Variants in KCNMA1 observed in about 807,000 individuals in gnomAD.
KCNMA1 encodes the protein potassium calcium-activated channel subfamily M alpha 1.
Under a neutral mutation model 140.0 loss-of-function variants are expected in KCNMA1, and 29 were observed. That is an observed-to-expected ratio of 0.21 (90% CI 0.15 to 0.28). KCNMA1 has a LOEUF of 0.28. Ranked by LOEUF, KCNMA1 falls within the 10% of genes least tolerant of loss-of-function variation. The pLI, the probability that KCNMA1 is intolerant of heterozygous loss-of-function variation, is 1.00. For missense variants in KCNMA1, 880 were observed against 1,602.2 expected (o/e 0.55, Z 7.70); for synonymous variants, 612 against 611.9 (o/e 1.00, Z 0.00).
At chr10:77,028,110 T>C (rs1399254119) in intron 15 of KCNMA1, among the ~76,000 whole-genome samples, 1 of 152,110 alleles carries the variant, frequency 6.6e-6, no homozygotes, top group East Asian at 1.9e-4. Context: ...ATGCTCAAAG[T>C]GCAAATTGCA....
chr10:76,957,927 A>C (rs896089493), intron 20 of KCNMA1, among the ~76,000 whole-genome samples: 1 of 152,230 alleles, frequency 6.6e-6, no homozygotes, highest in African/African-American at 2.4e-5. Context: ...AAATTTCTTT[A>C]CTATGGCTGT....
chr10:77,391,583 CTGT>C (rs1480131115), intron 2 of KCNMA1, among the ~76,000 whole-genome samples: 1 of 151,738 alleles, frequency 6.6e-6, no homozygotes, highest in Non-Finnish European at 1.5e-5. Context: ...TGGTGGCTTT[CTGT>C]TGTTGTCATT....
At chr10:77,163,748 G>A (rs998786061) in intron 5 of KCNMA1, among the ~76,000 whole-genome samples, 1 of 152,118 alleles carries the variant, frequency 6.6e-6, no homozygotes, top group African/African-American at 2.4e-5. Context: ...GTCAAATCAG[G>A]ACCCAAATTG....
At chr10:77,510,854 C>T (rs1260604671) in intron 1 of KCNMA1, among the ~76,000 whole-genome samples, 4 of 152,158 alleles carry the variant, frequency 2.6e-5, no homozygotes, top group African/African-American at 7.2e-5. Flanking sequence ...CCACTGAACA[C>T]CTTTTTGGCA....
intron 2 of KCNMA1, among the ~76,000 whole-genome samples, chr10:77,396,374 C>A (rs1466860707): frequency 2.0e-5 from 3 of 152,080 alleles, no homozygotes; most frequent in Non-Finnish European, 4.4e-5. Context: ...TGCCACCAGG[C>A]ACCACTGAGA....
At chr10:77,316,672 C>T (rs1377864460) in intron 2 of KCNMA1, among the ~76,000 whole-genome samples, 1 of 152,144 alleles carries the variant, frequency 6.6e-6, no homozygotes, top group Non-Finnish European at 1.5e-5. Flanking sequence ...ACCCTGAACC[C>T]ACCACCTCAG....
chr10:77,218,317 T>C (rs1039175373), intron 3 of KCNMA1, among the ~76,000 whole-genome samples: 4 of 152,170 alleles, frequency 2.6e-5, no homozygotes, highest in Admixed American at 6.5e-5. Flanking sequence ...TTTAAACCAT[T>C]TAAAACCATA....
intron 19 of KCNMA1, among the ~76,000 whole-genome samples, chr10:76,971,353 C>T (rs2076032268): frequency 6.6e-6 from 1 of 151,968 alleles, no homozygotes; most frequent in African/African-American, 2.4e-5. Context: ...CCAGGAAGAC[C>T]CATATTAGAG....
At chr10:77,164,300 T>C (rs1322800911) in intron 5 of KCNMA1, among the ~76,000 whole-genome samples, 3 of 152,134 alleles carry the variant, frequency 2.0e-5, no homozygotes, top group Non-Finnish European at 4.4e-5. Flanking sequence ...CTGCTCAAGG[T>C]CTTTGGCATA....
chr10:76,936,052 T>C (rs1398054796), intron 23 of KCNMA1, among the ~76,000 whole-genome samples: 1 of 152,242 alleles, frequency 6.6e-6, no homozygotes, highest in African/African-American at 2.4e-5. Flanking sequence ...TTAAAGAGGA[T>C]CTCTCATGTG....
chr10:76,913,852 T>C (rs542349735), intron 24 of KCNMA1: 5 of 560,962 alleles, frequency 8.9e-6, no homozygotes, highest in Non-Finnish European at 1.6e-5. Context: ...GGTTTACTGA[T>C]GCTGTGTGGG....
intron 14 of KCNMA1, among the ~76,000 whole-genome samples, chr10:77,045,051 A>G (rs11001987): frequency 0.023 from 3,452 of 152,312 alleles, 60 homozygotes; most frequent in South Asian, 0.054. Flanking sequence ...CTCTAGCTGA[A>G]AGGGCGGTTC....
chr10:77,061,792 C>G (rs1228153421), intron 14 of KCNMA1, among the ~76,000 whole-genome samples: 1 of 152,156 alleles, frequency 6.6e-6, no homozygotes, highest in Admixed American at 6.5e-5. Flanking sequence ...CAAACTGGTA[C>G]CTGCATATAA....
At chr10:76,907,052 G>T (rs1030270320) in intron 25 of KCNMA1, among the ~76,000 whole-genome samples, 1 of 152,158 alleles carries the variant, frequency 6.6e-6, no homozygotes, top group Non-Finnish European at 1.5e-5. Context: ...CAAAAGATTC[G>T]ATAGTGTAGC....
At chr10:77,384,348 T>G (rs1375536824) in intron 2 of KCNMA1, among the ~76,000 whole-genome samples, 3 of 152,176 alleles carry the variant, frequency 2.0e-5, no homozygotes, top group African/African-American at 7.2e-5. Flanking sequence ...TGTGCAGGGT[T>G]GAGGCAAGCC....
chr10:76,871,954 C>T (rs1001008110), exon 28 of KCNMA1: 1 of 152,224 alleles, frequency 6.6e-6, no homozygotes, highest in Non-Finnish European at 1.5e-5. Context: ...TTCTCCCCCA[C>T]TCACTCCTTG....
chr10:77,007,653 G>GTGTGTGTATAGATATATATATATATATA, intron 18 of KCNMA1, among the ~76,000 whole-genome samples: 1 of 88,482 alleles, frequency 1.1e-5, no homozygotes, highest in Non-Finnish European at 2.3e-5. Flanking sequence ...TTGTGTGTGT[G>GTGTGTGTATAGATATATATATATATATA]TATATATATA....
intron 21 of KCNMA1, chr10:76,951,999 AT>A: frequency 6.5e-7 from 1 of 1,543,382 alleles, no homozygotes; most frequent in Admixed American, 2.0e-5. Context: ...GTTTTGTTAA[AT>A]GATGTTATTT....
intron 5 of KCNMA1, among the ~76,000 whole-genome samples, chr10:77,147,399 G>T (rs978930811): frequency 1.3e-5 from 2 of 152,010 alleles, no homozygotes; most frequent in Admixed American, 6.6e-5. Flanking sequence ...TCTCCAATTC[G>T]TCTTTGTCTC....
Sources: gnomAD v4.1 joint callset for allele counts (sites outside exome capture counted in the v4.1 genomes callset) on GRCh38, gnomAD v4.1.1 for gene constraint, MANE v1.5 for transcripts, NCBI Gene and HGNC (gene_info 2026-07-23, HGNC 2026-07-21) for gene names.